SPATA9: variants seen among roughly 807,000 people sequenced by gnomAD.
The protein encoded by SPATA9 is spermatogenesis-associated protein 9.
In SPATA9, 27 loss-of-function variants were observed where a neutral mutation model predicts 25.5. The observed-to-expected ratio is 1.06, with a 90% CI of 0.78 to 1.46. SPATA9 has a LOEUF of 1.46. Among genes scored for constraint, SPATA9 ranks in the 40% most tolerant of loss-of-function variants. The pLI is 0.00. For missense variants in SPATA9, 282 were observed against 297.5 expected, an observed-to-expected ratio of 0.95 and a Z score of 0.38; for synonymous variants, 102 against 105.7, an observed-to-expected ratio of 0.97 and a Z score of 0.21.
the SPATA9 span, chr5:95,731,024 AC>A: frequency 4.5e-6 from 4 of 895,092 alleles, no homozygotes; most frequent in Non-Finnish European, 6.1e-6. Flanking sequence ...CCATCGCCCC[AC>A]CCCCCTTTCC....
intron 3 of SPATA9, among the ~76,000 whole-genome samples, chr5:95,672,008 C>A (rs1056078065): frequency 6.6e-6 from 1 of 151,982 alleles, no homozygotes; most frequent in Non-Finnish European, 1.5e-5. Context: ...GACCTTCCCC[C>A]CACCCCCAAT....
Position 95,664,021 on chromosome 5 carries a change from T to A in SPATA9, c.406A>T (p.Ile136Phe). The A allele has an allele frequency of 6.3e-7, 1 of 1,592,072 alleles. No homozygotes were observed. Among genetic ancestry groups the A allele is most frequent in the Non-Finnish European group, 8.6e-7 (1 of 1,167,308 alleles). Residue 136 changes from isoleucine (I) to phenylalanine (F), a missense_variant, in exon 4 of 5, where the codon ATC (isoleucine) becomes TTC (phenylalanine). Ile to Phe is a conservative substitution (Grantham distance 21, BLOSUM62 0). Coordinates refer to ENST00000274432, the MANE Select transcript of SPATA9 (RefSeq NM_031952.4). Reference sequence around the variant, plus strand: ...AAAGCAGTCTTTGCTGGAAAGGAGATGATTTCAAACAAAGAACCCTTTCTG... The same window carrying A: ...AAAGCAGTCTTTGCTGGAAAGGAGAAGATTTCAAACAAAGAACCCTTTCTG... ...QVRKGSLFEI[I>F]SFPAKTALTS...
upstream of SPATA9, among the ~76,000 whole-genome samples, chr5:95,683,520 TTA>T (rs986521074): frequency 3.3e-5 from 5 of 152,030 alleles, no homozygotes; most frequent in African/African-American, 4.8e-5. Flanking sequence ...CTGCCTAGTT[TTA>T]TATATATATA....
chr5:95,705,938 C>T, the SPATA9 span, among the ~76,000 whole-genome samples: 4 of 152,144 alleles, frequency 2.6e-5, no homozygotes, highest in Non-Finnish European at 4.4e-5. Flanking sequence ...TATCTCCTTA[C>T]TTTTCTGTTT....
the SPATA9 span, among the ~76,000 whole-genome samples, chr5:95,709,318 G>T: frequency 6.6e-6 from 1 of 152,282 alleles, no homozygotes; most frequent in East Asian, 1.9e-4. Flanking sequence ...CTTAGCTTAG[G>T]CAAGATAGGT....
At chr5:95,671,193 T>A (rs972681337) in intron 3 of SPATA9, among the ~76,000 whole-genome samples, 2 of 152,184 alleles carry the variant, frequency 1.3e-5, no homozygotes, top group African/African-American at 4.8e-5. Flanking sequence ...TCAGATACAG[T>A]ATCCTATCTC....
Position 95,661,492 on chromosome 5 carries a change from G to A in SPATA9, c.474+2461C>T, listed in dbSNP as rs184144745. ...TATAAAGTTCATGGCGTGATAAATT[G>A]TGTGAGATGATTTCAACAGCCTTTG... On this transcript the variant is annotated intron_variant, in intron 4 of 4. Transcript: ENST00000274432. 2.6e-5 allele frequency among the ~76,000 whole-genome samples: 4 copies of A among 152,170 alleles called. No homozygotes were observed. In the East Asian group the frequency reaches 7.7e-4, roughly 29 times the overall value.
chr5:95,707,565 CGTTCCAGGTGCA>C, the SPATA9 span, among the ~76,000 whole-genome samples: 1 of 152,212 alleles, frequency 6.6e-6, no homozygotes, highest in East Asian at 1.9e-4. Context: ...GAACGTAAAC[CGTTCCAGGTGCA>C]GGGGCTTTAA....
the SPATA9 span, chr5:95,731,216 C>T: frequency 5.0e-6 from 5 of 1,003,334 alleles, no homozygotes; most frequent in Non-Finnish European, 5.9e-6. Context: ...GAGCGCGTCC[C>T]CCGCATCCGC....
At chr5:95,680,533 C>T (rs367961432) in intron 2 of SPATA9, among the ~76,000 whole-genome samples, 3 of 152,088 alleles carry the variant, frequency 2.0e-5, no homozygotes, top group South Asian at 2.1e-4. Flanking sequence ...TCTCTTCATT[C>T]TCTTCTTTTC....
chr5:95,658,000 A>G (rs540386523), downstream of SPATA9: 18 of 152,328 alleles, frequency 1.2e-4, no homozygotes, highest in African/African-American at 4.1e-4. Context: ...CACTGGCAAT[A>G]ATGAGTAGTG....
chr5:95,716,636 G>A, the SPATA9 span, among the ~76,000 whole-genome samples: 1 of 152,164 alleles, frequency 6.6e-6, no homozygotes, highest in Non-Finnish European at 1.5e-5. Flanking sequence ...AATGAGTTAA[G>A]GCTTTGGGGA....
the SPATA9 span, among the ~76,000 whole-genome samples, chr5:95,709,182 A>G: frequency 8.5e-5 from 13 of 152,182 alleles, no homozygotes; most frequent in Non-Finnish European, 1.8e-4. Context: ...GCAGGGCCCC[A>G]TCTGTTCAGG....
chr5:95,731,623 C>T, the SPATA9 span: 1 of 1,607,704 alleles, frequency 6.2e-7, no homozygotes. Flanking sequence ...CCGGGGGCCC[C>T]GCGAAGCCGT....
chr5:95,715,693 C>A, the SPATA9 span, among the ~76,000 whole-genome samples: 9 of 151,884 alleles, frequency 5.9e-5, no homozygotes, highest in Admixed American at 3.3e-4. Context: ...ATTTCTTTAA[C>A]AAGACAGAAA....
At chr5:95,669,596 C>T (rs1355328252) in intron 3 of SPATA9, among the ~76,000 whole-genome samples, 1 of 152,308 alleles carries the variant, frequency 6.6e-6, no homozygotes, top group Non-Finnish European at 1.5e-5. Context: ...ACAGTCAACT[C>T]TAATGCCATT....
At chr5:95,692,127 CT>C (rs371655654) in intron 1 of SPATA9, among the ~76,000 whole-genome samples, 2,033 of 151,698 alleles carry the variant, frequency 0.013, 49 homozygotes, top group African/African-American at 0.046. Flanking sequence ...TGGTCTATGG[CT>C]TTTTTTTGTA....
rs1187516361 is a variant in SPATA9, at chr5:95,665,391, TA to T, written c.379-1344del. ...TCCCCTTTCCCTACCTAGTCTCTGG[TA>T]ACCACTGTTCTCCTCTCTGCTTCTA... On this transcript the variant is annotated intron_variant, in intron 3 of 4. Coordinates refer to ENST00000274432, the MANE Select transcript of SPATA9 (RefSeq NM_031952.4). 2.6e-5 allele frequency among the ~76,000 whole-genome samples: 4 copies of T among 152,212 alleles called. No homozygotes were observed. In the East Asian group the frequency reaches 5.8e-4, roughly 22 times the overall value.
At chr5:95,664,094 GT>G in intron 3 of SPATA9, 46 bp from the exon 4 acceptor site, 1 of 1,136,834 alleles carries the variant, frequency 8.8e-7, no homozygotes, top group African/African-American at 1.6e-5. Context: ...CATTTTCAGT[GT>G]TTCAATGTCA....
Sources: allele counts gnomAD v4.1 joint callset (sites outside exome capture counted in the v4.1 genomes callset), GRCh38; gene constraint gnomAD v4.1.1; transcripts MANE v1.5; gene names NCBI Gene and HGNC (gene_info 2026-07-23, HGNC 2026-07-21).